Variants in RAPGEF1 observed in about 807,000 individuals in gnomAD.
RAPGEF1 encodes CRK SH3-binding GNRP.
A neutral mutation model predicts 143.3 loss-of-function variants in RAPGEF1; 33 were observed. That is an observed-to-expected ratio of 0.23 (90% CI 0.17 to 0.31). RAPGEF1 has a LOEUF of 0.31. Among genes scored for constraint, RAPGEF1 ranks in the 10% least tolerant of loss-of-function variants. RAPGEF1 has a pLI of 1.00. For missense variants in RAPGEF1, 1,199 were observed against 1,645.4 expected (o/e 0.73, Z 4.69); for synonymous variants, 629 against 676.5 (o/e 0.93, Z 1.09).
At chr9:131,588,141 G>A (rs1359519949) in intron 20 of RAPGEF1, 115 bp from the exon 21 acceptor site, 7 of 909,956 alleles carry the variant, frequency 7.7e-6, no homozygotes, top group South Asian at 2.9e-5. Context: ...CAGCAGGAGC[G>A]TGGAGGCTAC....
intron 1 of RAPGEF1, among the ~76,000 whole-genome samples, chr9:131,734,905 G>A (rs1837319964): frequency 6.6e-6 from 1 of 152,190 alleles, no homozygotes; most frequent in African/African-American, 2.4e-5. Flanking sequence ...GCAGCGTGCT[G>A]GGCAAGCCTG....
At chr9:131,585,249 T>G (rs1325485158) in intron 22 of RAPGEF1, among the ~76,000 whole-genome samples, 1 of 152,180 alleles carries the variant, frequency 6.6e-6, no homozygotes, top group Non-Finnish European at 1.5e-5. Flanking sequence ...GCTGTGAGTA[T>G]ATCTCACTGT....
At chr9:131,617,734 A>G (rs900581511) in intron 12 of RAPGEF1, among the ~76,000 whole-genome samples, 2 of 152,232 alleles carry the variant, frequency 1.3e-5, no homozygotes, top group African/African-American at 4.8e-5. Flanking sequence ...TTTCACACTT[A>G]CAAAATATGA....
intron 1 of RAPGEF1, among the ~76,000 whole-genome samples, chr9:131,672,706 G>C (rs2130805935): frequency 6.6e-6 from 1 of 152,300 alleles, no homozygotes; most frequent in South Asian, 2.1e-4. Flanking sequence ...TCGACAGCAG[G>C]GGAAGTTCTA....
At chr9:131,645,778 G>A (rs1969423309) in intron 3 of RAPGEF1, among the ~76,000 whole-genome samples, 1 of 152,234 alleles carries the variant, frequency 6.6e-6, no homozygotes, top group African/African-American at 2.4e-5. Flanking sequence ...TCCTGCTGTG[G>A]GGGATGGATT....
At position 131,622,075 on chromosome 9, in the gene RAPGEF1, A is replaced by T. The variant is rs903363944; in HGVS notation, c.1703-77T>A. The T allele has an allele frequency of 4.3e-6, 6 of 1,381,948 alleles. No individual in the cohort carries two copies. In the Admixed American group the frequency reaches 9.8e-5, roughly 23 times the overall value. The allele number at this position is 1,381,948 out of a possible 1,614,324, so 85.6% of individuals were successfully genotyped here. ...GAACCCCTCCCCCCATTCTTCCCAC[A>T]GCAGCTAGGGGGCTTTCCACTGAAA... On this transcript the variant is annotated intron_variant, in intron 10 of 26. Transcript: ENST00000683357.
intron 1 of RAPGEF1, among the ~76,000 whole-genome samples, chr9:131,677,515 G>C (rs1438656951): frequency 6.6e-6 from 1 of 152,176 alleles, no homozygotes; most frequent in Non-Finnish European, 1.5e-5. Flanking sequence ...CACGGGTCTT[G>C]AATGTTATTC....
At position 131,720,764 on chromosome 9, in the gene RAPGEF1, T is replaced by A. The variant is rs1315898169; in HGVS notation, c.61+19006A>T. Among the ~76,000 whole-genome samples, 3 of 151,744 alleles carry A rather than the reference T, an allele frequency of 2.0e-5. No homozygotes were observed. In the East Asian group the frequency reaches 5.8e-4, roughly 29 times the overall value. The stretch of plus-strand genomic sequence containing the variant: ...TAAAAAATGAAACTTCTTAGAAAAA[T>A]CCTATGCCTGTATCTTTTCCACAGC... On this transcript the variant is annotated intron_variant, in intron 1 of 26. Coordinates refer to ENST00000683357, the MANE Select transcript of RAPGEF1 (RefSeq NM_001377935.1).
In RAPGEF1 at chr9:131,586,569, A is replaced by AACAC. The variant is rs777915422; in HGVS notation, c.3233+1163_3233+1166dup. ...ACCTGCAGAGCGAGACTCCGTCTCA[A>AACAC]ACACACACACACACACCTGCAGAGC... is the stretch of plus-strand genomic sequence containing the variant. On this transcript the variant is annotated intron_variant, in intron 22 of 26. Coordinates refer to ENST00000683357, the MANE Select transcript of RAPGEF1 (RefSeq NM_001377935.1). 1.5e-4 allele frequency among the ~76,000 whole-genome samples: 4 copies of AACAC among 26,160 alleles called. 1 individual carries two copies. The highest frequency in any genetic ancestry group is 4.4e-4 in the African/African-American group (2 of 4,536). The allele number at this position is 26,160 out of a possible 152,430, so 17.2% of individuals were successfully genotyped here.
chr9:131,733,692 G>C (rs929447132), intron 1 of RAPGEF1, among the ~76,000 whole-genome samples: 2 of 152,204 alleles, frequency 1.3e-5, no homozygotes, highest in African/African-American at 4.8e-5. Context: ...CGCGGGGTGG[G>C]GCAGGCGGTG....
At chr9:131,737,837 C>T (rs1378383258) in intron 1 of RAPGEF1, among the ~76,000 whole-genome samples, 1 of 151,942 alleles carries the variant, frequency 6.6e-6, no homozygotes, top group Non-Finnish European at 1.5e-5. Flanking sequence ...TGGTGGCAGG[C>T]GCCTGCAGTC....
intron 18 of RAPGEF1, among the ~76,000 whole-genome samples, chr9:131,591,685 A>G (rs1014368567): frequency 1.3e-5 from 2 of 152,078 alleles, no homozygotes; most frequent in Admixed American, 6.6e-5. Context: ...TTCGTGCCCA[A>G]CGCCCTGGGG....
intron 1 of RAPGEF1, among the ~76,000 whole-genome samples, chr9:131,707,592 C>A (rs1435503400): frequency 1.3e-5 from 2 of 152,114 alleles, no homozygotes; most frequent in African/African-American, 4.8e-5. Flanking sequence ...AGATGTGCAC[C>A]AGCACGCCTG....
intron 1 of RAPGEF1, among the ~76,000 whole-genome samples, chr9:131,657,968 G>C (rs890758168): frequency 6.6e-6 from 1 of 152,190 alleles, no homozygotes; most frequent in Non-Finnish European, 1.5e-5. Flanking sequence ...AGGCATGCTG[G>C]GGTGTATCAG....
chr9:131,588,718 G>A (rs902887810), intron 20 of RAPGEF1, 83 bp downstream of exon 20: 2 of 1,395,406 alleles, frequency 1.4e-6, no homozygotes, highest in South Asian at 1.4e-5. Context: ...GGATGGGGCT[G>A]TGGGGCTGGC....
intron 1 of RAPGEF1, among the ~76,000 whole-genome samples, chr9:131,657,134 A>C (rs1378107343): frequency 1.3e-5 from 2 of 152,182 alleles, no homozygotes; most frequent in Non-Finnish European, 2.9e-5. Flanking sequence ...TTGAGTGCTG[A>C]GGAGGTACTA....
chr9:131,614,821 C>G (rs1209375595), intron 12 of RAPGEF1, among the ~76,000 whole-genome samples: 1 of 149,704 alleles, frequency 6.7e-6, no homozygotes, highest in Non-Finnish European at 1.5e-5. Context: ...ACACTTAACT[C>G]TCTTAGCCTG....
At chr9:131,719,846 C>G (rs2131271333) in intron 1 of RAPGEF1, among the ~76,000 whole-genome samples, 1 of 151,242 alleles carries the variant, frequency 6.6e-6, no homozygotes, top group South Asian at 2.1e-4. Context: ...GTTCATCTGA[C>G]TATTGCCCAC....
intron 1 of RAPGEF1, among the ~76,000 whole-genome samples, chr9:131,679,411 G>T (rs1038096448): frequency 2.0e-5 from 3 of 152,174 alleles, no homozygotes; most frequent in African/African-American, 7.2e-5. Flanking sequence ...TTTGCCTGAT[G>T]GGAAGAAAAA....
Sources: allele counts gnomAD v4.1 joint callset (sites outside exome capture counted in the v4.1 genomes callset), GRCh38; gene constraint gnomAD v4.1.1; transcripts MANE v1.5; gene names NCBI Gene and HGNC (gene_info 2026-07-23, HGNC 2026-07-21).